PTPRD: variants seen among roughly 807,000 people sequenced by gnomAD.
PTPRD encodes the protein receptor-type tyrosine-protein phosphatase delta.
Under a neutral mutation model 214.5 loss-of-function variants are expected in PTPRD, and 34 were observed. The observed-to-expected ratio is 0.16, with a 90% CI of 0.12 to 0.21. The LOEUF (loss-of-function observed/expected upper bound fraction) is 0.21. PTPRD is among the 10% of genes least tolerant of loss of function. The pLI is 1.00. For missense variants in PTPRD, 2,545 were observed against 2,398.7 expected (o/e 1.06, Z -1.27); for synonymous variants, 1,128 against 845.7 (o/e 1.33, Z -5.79).
At chr9:8,404,033 T>G (rs566754440) in intron 36 of PTPRD, among the ~76,000 whole-genome samples, 1 of 152,234 alleles carries the variant, frequency 6.6e-6, no homozygotes, top group Non-Finnish European at 1.5e-5. Context: ...GATGCACTTC[T>G]GTCATATGGT....
chr9:10,538,928 C>A (rs1227883901), intron 2 of PTPRD, among the ~76,000 whole-genome samples: 4 of 152,104 alleles, frequency 2.6e-5, no homozygotes, highest in Non-Finnish European at 5.9e-5. Flanking sequence ...TAAATACTAA[C>A]TTCTAATACT....
At chr9:9,971,652 T>C (rs975146353) in intron 4 of PTPRD, among the ~76,000 whole-genome samples, 1 of 152,196 alleles carries the variant, frequency 6.6e-6, no homozygotes, top group Non-Finnish European at 1.5e-5. Flanking sequence ...GCATTCAGCA[T>C]GCTTTGACAA....
chr9:9,113,546 A>T (rs761554682), intron 10 of PTPRD, among the ~76,000 whole-genome samples: 1 of 152,108 alleles, frequency 6.6e-6, no homozygotes, highest in African/African-American at 2.4e-5. Flanking sequence ...GAAACAAAAC[A>T]TGGTGAGAAA....
At chr9:8,934,708 T>C (rs543599457) in intron 11 of PTPRD, among the ~76,000 whole-genome samples, 1 of 150,576 alleles carries the variant, frequency 6.6e-6, no homozygotes, top group South Asian at 2.1e-4. Flanking sequence ...CATGAGATTT[T>C]CAGAATGTAT....
intron 2 of PTPRD, among the ~76,000 whole-genome samples, chr9:10,453,861 C>A (rs867491355): frequency 3.2e-4 from 49 of 151,534 alleles, no homozygotes; most frequent in African/African-American, 1.0e-3. Context: ...GAATGATAAC[C>A]CTTGTCTTCT....
intron 2 of PTPRD, among the ~76,000 whole-genome samples, chr9:10,492,302 G>T (rs750716948): frequency 6.6e-6 from 1 of 152,018 alleles, no homozygotes; most frequent in East Asian, 1.9e-4. Flanking sequence ...CTTCCACAAT[G>T]GTTGAACTAA....
At position 9,779,078 on chromosome 9, in the gene PTPRD, C is replaced by CAAAAAAAAAAAAAAAAA. The variant is rs869120926; in HGVS notation, c.-367-12244_-367-12228dup. ...GCCATGTGATCTTTCATAAGACTGA[C>CAAAAAAAAAAAAAAAAA]AAAAAAAAAAAAAAAAAAAAAAAAA... On this transcript the variant is annotated intron_variant, in intron 5 of 45. Transcript: ENST00000381196. Among the ~76,000 whole-genome samples the CAAAAAAAAAAAAAAAAA allele has an allele frequency of 3.7e-3, 168 of 45,470 alleles. 21 individuals are homozygous for CAAAAAAAAAAAAAAAAA. Among genetic ancestry groups the CAAAAAAAAAAAAAAAAA allele is most frequent in the African/African-American group, 7.5e-3 (85 of 11,264 alleles). The allele number at this position is 45,470 out of a possible 152,430, so 29.8% of individuals were successfully genotyped here. A position where few individuals can be genotyped will look rare whatever the true frequency, so the allele number is the denominator to read the frequency against.
At chr9:8,914,600 A>G (rs938731902) in intron 11 of PTPRD, among the ~76,000 whole-genome samples, 23 of 152,178 alleles carry the variant, frequency 1.5e-4, no homozygotes, top group African/African-American at 5.5e-4. Flanking sequence ...CAGTTTGAAC[A>G]TATTTGAACA....
intron 3 of PTPRD, among the ~76,000 whole-genome samples, chr9:10,049,543 T>A (rs907005886): frequency 6.6e-6 from 1 of 152,180 alleles, no homozygotes; most frequent in Non-Finnish European, 1.5e-5. Flanking sequence ...GATGTAATGC[T>A]GCAAAAGATT....
chr9:8,697,417 CTTTTTTTTTT>C (rs752677458), intron 12 of PTPRD, among the ~76,000 whole-genome samples: 1 of 63,240 alleles, frequency 1.6e-5, no homozygotes, highest in East Asian at 4.7e-4. Context: ...TTTTTATGTA[CTTTTTTTTTT>C]TTTTTTTTTT....
intron 9 of PTPRD, among the ~76,000 whole-genome samples, chr9:9,324,450 G>A (rs888577652): frequency 6.6e-6 from 1 of 152,236 alleles, no homozygotes; most frequent in South Asian, 2.1e-4. Context: ...GTGATGATGA[G>A]CATTTTTTCA....
At chr9:9,267,640 G>A (rs1023641698) in intron 9 of PTPRD, among the ~76,000 whole-genome samples, 1 of 151,080 alleles carries the variant, frequency 6.6e-6, no homozygotes, top group African/African-American at 2.4e-5. Context: ...AAAATTACCA[G>A]CAAAATGAAT....
At chr9:8,545,129 T>C (rs7043979) in intron 14 of PTPRD, among the ~76,000 whole-genome samples, 1 of 152,078 alleles carries the variant, frequency 6.6e-6, no homozygotes, top group Non-Finnish European at 1.5e-5. Flanking sequence ...TAGTGGTAGA[T>C]TTAACAAACA....
intron 3 of PTPRD, among the ~76,000 whole-genome samples, chr9:10,127,693 G>A (rs1461485710): frequency 6.6e-6 from 1 of 151,952 alleles, no homozygotes; most frequent in Non-Finnish European, 1.5e-5. Flanking sequence ...ACCTACACTG[G>A]TAAATTCATT....
At chr9:8,604,967 AG>A (rs1282343355) in intron 14 of PTPRD, among the ~76,000 whole-genome samples, 3 of 152,230 alleles carry the variant, frequency 2.0e-5, no homozygotes, top group Non-Finnish European at 4.4e-5. Flanking sequence ...CAACTTATTT[AG>A]GAACAATAGC....
intron 5 of PTPRD, among the ~76,000 whole-genome samples, chr9:9,800,037 GA>G (rs937933707): frequency 7.2e-5 from 11 of 152,070 alleles, no homozygotes; most frequent in Non-Finnish European, 1.3e-4. Flanking sequence ...CTTGTCAAAA[GA>G]AAAAATAATA....
chr9:9,178,977 C>A (rs766856272), intron 10 of PTPRD, among the ~76,000 whole-genome samples: 1 of 152,032 alleles, frequency 6.6e-6, no homozygotes, highest in Non-Finnish European at 1.5e-5. Flanking sequence ...GTTCCTGCTA[C>A]GTGTAATGCT....
chr9:10,485,996 G>A (rs1014712268), intron 2 of PTPRD, among the ~76,000 whole-genome samples: 11 of 150,814 alleles, frequency 7.3e-5, no homozygotes, highest in Admixed American at 4.6e-4. Flanking sequence ...CTTTCGAGGA[G>A]TGTCTGTTCA....
intron 8 of PTPRD, among the ~76,000 whole-genome samples, chr9:9,517,041 C>T (rs758976550): frequency 1.3e-4 from 19 of 151,306 alleles, no homozygotes; most frequent in South Asian, 8.3e-4. Context: ...GAAATGAAAC[C>T]ATATCAAATG....
Sources: allele counts gnomAD v4.1 joint callset (sites outside exome capture counted in the v4.1 genomes callset), GRCh38; gene constraint gnomAD v4.1.1; transcripts MANE v1.5; gene names NCBI Gene and HGNC (gene_info 2026-07-23, HGNC 2026-07-21).